The following DOCK9 variants were observed in gnomAD, a reference collection of about 807,000 sequenced individuals.
The protein encoded by DOCK9 is dedicator of cytokinesis 9.
DOCK9 carries 89 observed loss-of-function variants against 263.3 expected under a neutral mutation model. The observed-to-expected ratio is 0.34, with a 90% CI of 0.28 to 0.40. The LOEUF is 0.40. Among genes scored for constraint, DOCK9 ranks in the 10% least tolerant of loss-of-function variants. DOCK9 has a pLI of 1.00. For synonymous variants in DOCK9, 976 were observed against 973.1 expected (o/e 1.00, Z -0.06); for missense variants, 2,140 against 2,603.4 (o/e 0.82, Z 3.87).
In DOCK9 at chr13:98,794,990, C is replaced by T. The variant is rs140361718; in HGVS notation, c.6157-242G>A. Among the ~76,000 whole-genome samples the T allele has an allele frequency of 1.0e-3, 156 of 152,302 alleles. 1 individual carries two copies. Among genetic ancestry groups the T allele is most frequent in the African/African-American group, 3.3e-3 (137 of 41,566 alleles). On this transcript the variant is annotated intron_variant, in intron 52 of 52. Transcript: ENST00000682017. ...CTCCATCACGTGAGTGATGTGCAGCCGGAAAGCCTGGCTGCTGGTTTACAG... is the reference window on the plus strand; with the variant it reads ...CTCCATCACGTGAGTGATGTGCAGCTGGAAAGCCTGGCTGCTGGTTTACAG...
At chr13:98,856,114 T>C in intron 33 of DOCK9, 83 bp from the exon 34 acceptor site, 1 of 1,433,822 alleles carries the variant, frequency 7.0e-7, no homozygotes. Context: ...GGGAAATTGC[T>C]TTTATTGCAC....
intron 1 of DOCK9, among the ~76,000 whole-genome samples, chr13:99,011,563 A>C (rs1884480544): frequency 6.6e-6 from 1 of 152,238 alleles, no homozygotes; most frequent in African/African-American, 2.4e-5. Context: ...CATAAAAGGA[A>C]CACCAAAAAA....
intron 2 of DOCK9, among the ~76,000 whole-genome samples, chr13:98,934,292 C>T (rs1188586350): frequency 6.6e-6 from 1 of 152,266 alleles, no homozygotes; most frequent in Non-Finnish European, 1.5e-5. Context: ...CTTGAGACCA[C>T]CATGGTGACA....
intron 1 of DOCK9, among the ~76,000 whole-genome samples, chr13:99,021,920 A>T (rs534211575): frequency 6.6e-6 from 1 of 152,118 alleles, no homozygotes; most frequent in Admixed American, 6.5e-5. Flanking sequence ...CATGGCACAC[A>T]TATATTTATA....
intron 45 of DOCK9, among the ~76,000 whole-genome samples, chr13:98,813,211 C>G (rs1161423220): frequency 6.6e-6 from 1 of 152,072 alleles, no homozygotes; most frequent in Non-Finnish European, 1.5e-5. Flanking sequence ...AGATTTATTT[C>G]TTTTTCTTGC....
chr13:99,014,214 C>G (rs950489791), intron 1 of DOCK9, among the ~76,000 whole-genome samples: 1 of 152,230 alleles, frequency 6.6e-6, no homozygotes, highest in Non-Finnish European at 1.5e-5. Context: ...ACTGCCATTA[C>G]TGGCCCAAGC....
chr13:98,999,915 T>C (rs993211642), intron 1 of DOCK9, among the ~76,000 whole-genome samples: 2 of 152,158 alleles, frequency 1.3e-5, no homozygotes, highest in African/African-American at 4.8e-5. Context: ...TCAAATCTCT[T>C]GCACCAAAGT....
intron 1 of DOCK9, among the ~76,000 whole-genome samples, chr13:99,077,028 A>G (rs2041935540): frequency 6.6e-6 from 1 of 152,046 alleles, no homozygotes; most frequent in Non-Finnish European, 1.5e-5. Flanking sequence ...GGCAGAAGTG[A>G]GAGCTTTTTA....
chr13:99,076,357 G>A (rs1596049414), intron 1 of DOCK9, among the ~76,000 whole-genome samples: 1 of 152,118 alleles, frequency 6.6e-6, no homozygotes, highest in Non-Finnish European at 1.5e-5. Flanking sequence ...GAGCTCTATG[G>A]AATTGGTGAA....
At chr13:98,841,609 G>A (rs9584947) in intron 38 of DOCK9, among the ~76,000 whole-genome samples, 30,829 of 149,634 alleles carry the variant, frequency 0.21, 3,309 homozygotes, top group South Asian at 0.27. Context: ...TCTTGTTTAT[G>A]AACAAAATTT....
rs780988791 is a variant in DOCK9 at position 98,825,966 on chromosome 13, G to A, written c.5023+864C>T. ...CTAAACATGAGGAAATGCATCACCT[G>A]ATAAAAGGTCTCAACAGGAAATAGT... On this transcript the variant is annotated intron_variant, in intron 44 of 52. Transcript: ENST00000682017. The surrounding 1 kb of genome is among the most constrained non-coding windows in gnomAD (Gnocchi z 4.1). 9 of 1,494,550 alleles carry A rather than the reference G, an allele frequency of 6.0e-6. No individual in the cohort carries two copies. The Admixed American group carries it at 2.0e-4, about 33-fold the overall frequency. 92.6% of individuals were successfully genotyped at this position (1,494,550 alleles called of 1,614,324 possible).
chr13:99,086,434 C>T (rs2042345241), exon 1 of DOCK9: 2 of 888,076 alleles, frequency 2.3e-6, no homozygotes, highest in South Asian at 9.9e-5. Flanking sequence ...CCTCGGCGCC[C>T]GGCCCGCTCC....
chr13:98,985,539 A>G (rs1358824929), intron 1 of DOCK9, among the ~76,000 whole-genome samples: 1 of 152,196 alleles, frequency 6.6e-6, no homozygotes, highest in Non-Finnish European at 1.5e-5. Flanking sequence ...GGATCCTCTC[A>G]GTTTGGAAAT....
chr13:99,072,556 C>A lies in DOCK9; in HGVS notation c.129+13667G>T, dbSNP rs1157699742. ...GCTCACCCCAACCAGAGCATTCTTT[C>A]ATGCATCCCCAGTGATCACAAAACC... On this transcript the variant is annotated intron_variant, in intron 1 of 32. Transcript: ENST00000427887. Among the ~76,000 whole-genome samples, 9 of 152,220 alleles carry A rather than the reference C, an allele frequency of 5.9e-5. No individual in the cohort carries two copies. In the East Asian group the frequency reaches 1.7e-3, roughly 29 times the overall value.
At chr13:98,935,680 A>G (rs1029401515) in intron 2 of DOCK9, among the ~76,000 whole-genome samples, 4 of 152,214 alleles carry the variant, frequency 2.6e-5, no homozygotes, top group African/African-American at 9.6e-5. Context: ...AGGCACGAGA[A>G]TCGCTTGAAC....
At chr13:98,846,722 T>C (rs2141374829) in intron 37 of DOCK9, 3 of 407,928 alleles carry the variant, frequency 7.4e-6, no homozygotes, top group Non-Finnish European at 1.4e-5. Context: ...TGTGTTATTG[T>C]GTGTAGGAGA....
At chr13:98,933,205 CTAACAT>C (rs1022097067) in intron 2 of DOCK9, among the ~76,000 whole-genome samples, 21 of 152,056 alleles carry the variant, frequency 1.4e-4, no homozygotes, top group Admixed American at 1.2e-3. Flanking sequence ...ATTCTTCATC[CTAACAT>C]TAAGAAGAAA....
intron 52 of DOCK9, 142 bp downstream of exon 52, chr13:98,796,967 GGCTAGA>G: frequency 2.5e-6 from 2 of 812,012 alleles, no homozygotes; most frequent in South Asian, 3.5e-5. Flanking sequence ...AATGACCTGG[GGCTAGA>G]GCATGGCAGG....
chr13:98,797,086 C>CAA (rs1339433865), intron 52 of DOCK9, 29 bp downstream of exon 52: 7 of 1,613,704 alleles, frequency 4.3e-6, no homozygotes, highest in Non-Finnish European at 5.9e-6. Context: ...CCAAGAACTC[C>CAA]AAGTTGTTGG....
Sources: allele counts gnomAD v4.1 joint callset (sites outside exome capture counted in the v4.1 genomes callset), GRCh38; gene constraint gnomAD v4.1.1; non-coding constraint Gnocchi (gnomAD v3.1); transcripts MANE v1.5; gene names NCBI Gene and HGNC (gene_info 2026-07-23, HGNC 2026-07-21).